CSMD1: variants seen among roughly 807,000 people sequenced by gnomAD.
CSMD1 encodes CUB and sushi domain-containing protein 1.
A neutral mutation model predicts 417.5 loss-of-function variants in CSMD1; 213 were observed. The observed-to-expected ratio is 0.51, with a 90% CI of 0.46 to 0.57. The LOEUF (loss-of-function observed/expected upper bound fraction) is 0.57, where lower values mean the gene tolerates loss of function less well. CSMD1 is among the 20% of genes least tolerant of loss of function. The pLI is 0.00. For missense variants in CSMD1, 6,923 were observed against 4,529.7 expected (o/e 1.53, Z -15.17); for synonymous variants, 2,862 against 1,736.8 (o/e 1.65, Z -16.11).
intron 5 of CSMD1, among the ~76,000 whole-genome samples, chr8:3,853,892 T>A (rs62482677): frequency 0.99 from 144,278 of 145,362 alleles, 71,603 homozygotes; most frequent in Middle Eastern, 1. Flanking sequence ...TAATATATTA[T>A]ACTTTAATAT....
intron 5 of CSMD1, among the ~76,000 whole-genome samples, chr8:3,836,559 T>C (rs1026072980): frequency 2.6e-5 from 4 of 152,092 alleles, no homozygotes; most frequent in African/African-American, 7.2e-5. Context: ...GTCAGAAAAG[T>C]GGTGATATTG....
chr8:3,080,043 C>G (rs946817307), intron 49 of CSMD1, among the ~76,000 whole-genome samples: 3 of 152,120 alleles, frequency 2.0e-5, no homozygotes, highest in Non-Finnish European at 4.4e-5. Flanking sequence ...GTTTTTTGTA[C>G]TCTTTGTTGC....
intron 3 of CSMD1, among the ~76,000 whole-genome samples, chr8:4,194,279 G>A (rs1044862474): frequency 6.6e-6 from 1 of 152,020 alleles, no homozygotes; most frequent in Non-Finnish European, 1.5e-5. Flanking sequence ...TATAATGAAG[G>A]AATAATATAA....
At position 3,336,599 on chromosome 8, in the gene CSMD1, T is replaced by C. The variant is rs146598976; in HGVS notation, c.3631+6695A>G. Among the ~76,000 whole-genome samples the C allele has an allele frequency of 7.9e-4, 121 of 152,326 alleles. 1 individual carries two copies. The East Asian group carries it at 0.022, about 28-fold the overall frequency. On this transcript the variant is annotated intron_variant, in intron 23 of 69. Transcript: ENST00000635120. Reference sequence around the variant, plus strand: ...AAGATGCTTTACCCCGCTCTGATTTTGTCTCACTTTACCACAGAGCAAGGG... The same window carrying C: ...AAGATGCTTTACCCCGCTCTGATTTCGTCTCACTTTACCACAGAGCAAGGG...
intron 53 of CSMD1, among the ~76,000 whole-genome samples, chr8:2,998,903 C>T (rs540469580): frequency 2.5e-4 from 38 of 152,224 alleles, no homozygotes; most frequent in African/African-American, 8.9e-4. Flanking sequence ...AGCTTTTACC[C>T]GTGAACTTTG....
Position 3,208,275 on chromosome 8 carries a change from T to A in CSMD1, c.4868-2655A>T, listed in dbSNP as rs555362688. On this transcript the variant is annotated intron_variant, in intron 30 of 69. Coordinates refer to ENST00000635120, the MANE Select transcript of CSMD1 (RefSeq NM_033225.6). ...AAATTATTAGCGATGGTAAAGTAAT[T>A]CTTTTCAAGAACATCTTCTGATCGC... Among the ~76,000 whole-genome samples, 3 of 152,294 alleles carry A rather than the reference T, an allele frequency of 2.0e-5. No individual in the cohort carries two copies. The South Asian group carries it at 6.2e-4, about 32-fold the overall frequency.
chr8:4,081,596 T>C (rs1049628684), intron 3 of CSMD1, among the ~76,000 whole-genome samples: 1 of 152,114 alleles, frequency 6.6e-6, no homozygotes, highest in Admixed American at 6.6e-5. Context: ...ACCCAACCAC[T>C]GCAGAATACA....
At chr8:4,550,343 A>G (rs1194095990) in intron 2 of CSMD1, among the ~76,000 whole-genome samples, 2 of 151,604 alleles carry the variant, frequency 1.3e-5, no homozygotes, top group Admixed American at 6.6e-5. Context: ...ACACACACAC[A>G]CACACACACA....
At chr8:3,840,152 G>A (rs1012654035) in intron 5 of CSMD1, among the ~76,000 whole-genome samples, 11 of 152,010 alleles carry the variant, frequency 7.2e-5, no homozygotes, top group African/African-American at 2.7e-4. Context: ...TATACTTAAT[G>A]TTTTCTCAAC....
rs1377395696 is a variant in CSMD1, at chr8:2,937,858, G to C, written c.*727C>G. On this transcript the variant is annotated 3_prime_UTR_variant, in exon 70 of 70. Coordinates refer to ENST00000635120, the MANE Select transcript of CSMD1 (RefSeq NM_033225.6). Reference sequence around the variant, plus strand: ...TATGAAATAATGCTTATATACAATGGATAGTGTGTATAAACCCTGTGTAAA... The same window carrying C: ...TATGAAATAATGCTTATATACAATGCATAGTGTGTATAAACCCTGTGTAAA... 6.6e-6 allele frequency: 1 copy of C among 152,274 alleles called. No homozygotes were observed. The highest frequency in any genetic ancestry group is 2.4e-5 in the African/African-American group (1 of 41,342). The allele number at this position is 152,274 out of a possible 1,614,324, so 9.4% of individuals were successfully genotyped here.
intron 3 of CSMD1, among the ~76,000 whole-genome samples, chr8:4,069,479 G>A (rs2552115): frequency 6.6e-6 from 1 of 152,066 alleles, no homozygotes; most frequent in Non-Finnish European, 1.5e-5. Flanking sequence ...ATTATCTCTA[G>A]GTAAGTAAAT....
chr8:3,542,587 G>A lies in CSMD1; in HGVS notation c.1344+32358C>T, dbSNP rs151061814. On this transcript the variant is annotated intron_variant, in intron 10 of 69. Coordinates refer to ENST00000635120, the MANE Select transcript of CSMD1 (RefSeq NM_033225.6). ...ATAGACAGGAAAGAGCGTACGTGCTGTGAGCAGGCCTGGCCTCCTTGAATT... is the reference window on the plus strand; with the variant it reads ...ATAGACAGGAAAGAGCGTACGTGCTATGAGCAGGCCTGGCCTCCTTGAATT... Among the ~76,000 whole-genome samples, 354 of 152,296 alleles carry A rather than the reference G, an allele frequency of 2.3e-3. 2 individuals carry two copies. The highest frequency in any genetic ancestry group is 8.3e-3 in the African/African-American group (344 of 41,566).
intron 5 of CSMD1, among the ~76,000 whole-genome samples, chr8:3,964,049 A>G (rs1812511556): frequency 6.6e-6 from 1 of 152,218 alleles, no homozygotes; most frequent in South Asian, 2.1e-4. Context: ...ACTTTCATTG[A>G]TAGCACAGCA....
chr8:4,127,093 C>A (rs1283358887), intron 3 of CSMD1, among the ~76,000 whole-genome samples: 1 of 150,836 alleles, frequency 6.6e-6, no homozygotes, highest in South Asian at 2.1e-4. Context: ...TTTTTTTTAA[C>A]AATCCTAGTT....
intron 5 of CSMD1, among the ~76,000 whole-genome samples, chr8:3,866,885 C>T (rs1435241142): frequency 1.3e-5 from 2 of 152,132 alleles, no homozygotes; most frequent in African/African-American, 4.8e-5. Flanking sequence ...GCAAATCCTC[C>T]TGCAAGACAT....
At chr8:3,478,893 G>A (rs938848001) in intron 11 of CSMD1, among the ~76,000 whole-genome samples, 1 of 152,146 alleles carries the variant, frequency 6.6e-6, no homozygotes, top group African/African-American at 2.4e-5. Context: ...CCCAGTAGGT[G>A]TGAGACTGAG....
intron 50 of CSMD1, among the ~76,000 whole-genome samples, chr8:3,047,648 T>A (rs1407381676): frequency 6.6e-6 from 1 of 152,166 alleles, no homozygotes; most frequent in Non-Finnish European, 1.5e-5. Flanking sequence ...GCTTCTCCCT[T>A]CCTTTACCCC....
rs528693091 is a variant in CSMD1, at chr8:4,373,970, T to C, written c.415+45983A>G. ...GTGTCTCTACTGAGTAGACTTGATATATACCATTAACGGAAAAGCCAGTAT... is the reference window on the plus strand; with the variant it reads ...GTGTCTCTACTGAGTAGACTTGATACATACCATTAACGGAAAAGCCAGTAT... On this transcript the variant is annotated intron_variant, in intron 3 of 69. Coordinates refer to ENST00000635120, the MANE Select transcript of CSMD1 (RefSeq NM_033225.6). Among the ~76,000 whole-genome samples the C allele has an allele frequency of 1.3e-3, 194 of 152,322 alleles. 2 individuals carry two copies. The highest frequency in any genetic ancestry group is 4.4e-3 in the African/African-American group (182 of 41,574).
intron 3 of CSMD1, among the ~76,000 whole-genome samples, chr8:4,235,552 T>C (rs568010520): frequency 6.6e-5 from 10 of 152,290 alleles, no homozygotes; most frequent in African/African-American, 1.9e-4. Flanking sequence ...GTGCTCCGAA[T>C]ATTTTCTTGT....
Sources: gnomAD v4.1 joint callset for allele counts (sites outside exome capture counted in the v4.1 genomes callset) on GRCh38, gnomAD v4.1.1 for gene constraint, MANE v1.5 for transcripts, NCBI Gene and HGNC (gene_info 2026-07-23, HGNC 2026-07-21) for gene names.